Variants in AMPH observed in about 807,000 individuals in gnomAD.
The protein encoded by AMPH is amphiphysin.
A neutral mutation model predicts 99.1 loss-of-function variants in AMPH; 49 were observed. That is an observed-to-expected ratio of 0.49 (90% CI 0.39 to 0.63). The LOEUF is 0.63. Among genes scored for constraint, AMPH ranks in the 20% least tolerant of loss-of-function variants. The pLI, the probability that AMPH is intolerant of heterozygous loss-of-function variation, is 0.00. For synonymous variants in AMPH, 314 were observed against 317.3 expected (o/e 0.99, Z 0.11); for missense variants, 759 against 863.4 (o/e 0.88, Z 1.52).
intron 1 of AMPH, among the ~76,000 whole-genome samples, chr7:38,586,516 C>T (rs1235638807): frequency 6.6e-6 from 1 of 152,122 alleles, no homozygotes; most frequent in Non-Finnish European, 1.5e-5. Context: ...TATGAAAGGG[C>T]CAATTGCTAG....
chr7:38,391,386 C>A (rs1006614740), intron 19 of AMPH, among the ~76,000 whole-genome samples: 14 of 152,190 alleles, frequency 9.2e-5, no homozygotes, highest in Admixed American at 8.5e-4. Context: ...TGCCCGACCC[C>A]CAGGGGATAT....
At chr7:38,533,206 TAGG>T (rs1278970008) in intron 2 of AMPH, among the ~76,000 whole-genome samples, 2 of 152,190 alleles carry the variant, frequency 1.3e-5, no homozygotes, top group East Asian at 3.9e-4. Context: ...TAGAGGAGAC[TAGG>T]AGACTACTTA....
At chr7:38,526,787 C>T (rs1333495253) in intron 2 of AMPH, among the ~76,000 whole-genome samples, 1 of 152,126 alleles carries the variant, frequency 6.6e-6, no homozygotes, top group Non-Finnish European at 1.5e-5. Context: ...CAATTTATCA[C>T]ATTTTCCTCT....
intron 2 of AMPH, among the ~76,000 whole-genome samples, chr7:38,525,489 T>C (rs1304992041): frequency 6.6e-6 from 1 of 150,918 alleles, no homozygotes; most frequent in African/African-American, 2.4e-5. Context: ...TGTTTAGTTT[T>C]ATGCGATTTT....
intron 1 of AMPH, among the ~76,000 whole-genome samples, chr7:38,596,008 T>C (rs1253438143): frequency 6.6e-6 from 1 of 152,202 alleles, no homozygotes; most frequent in Non-Finnish European, 1.5e-5. Flanking sequence ...TTATGAATAG[T>C]GCTGTGATGA....
At chr7:38,546,221 T>G (rs1790993120) in intron 1 of AMPH, among the ~76,000 whole-genome samples, 1 of 152,168 alleles carries the variant, frequency 6.6e-6, no homozygotes, top group African/African-American at 2.4e-5. Context: ...AGCTTCCAGC[T>G]CTGGAAGTAC....
intron 1 of AMPH, among the ~76,000 whole-genome samples, chr7:38,630,607 T>C (rs905209704): frequency 6.6e-6 from 1 of 152,212 alleles, no homozygotes; most frequent in Non-Finnish European, 1.5e-5. Flanking sequence ...TTTGACCTTC[T>C]AAAGAAGGAC....
intron 1 of AMPH, among the ~76,000 whole-genome samples, chr7:38,607,474 T>A (rs1038179231): frequency 6.6e-6 from 1 of 152,226 alleles, no homozygotes; most frequent in African/African-American, 2.4e-5. Context: ...ATACCCTTTA[T>A]GATTTCTCAA....
intron 1 of AMPH, among the ~76,000 whole-genome samples, chr7:38,614,036 G>A (rs139391946): frequency 3.2e-4 from 49 of 152,204 alleles, no homozygotes; most frequent in African/African-American, 1.2e-3. Context: ...CAAAGACCGG[G>A]AAAGGGAAAG....
At chr7:38,416,808 TA>T (rs1299882145) in intron 17 of AMPH, among the ~76,000 whole-genome samples, 1 of 152,310 alleles carries the variant, frequency 6.6e-6, no homozygotes, top group Non-Finnish European at 1.5e-5. Flanking sequence ...GCAATGCCTC[TA>T]GGAGAGATTC....
chr7:38,562,153 A>G (rs1265656398), intron 1 of AMPH, among the ~76,000 whole-genome samples: 1 of 152,158 alleles, frequency 6.6e-6, no homozygotes, highest in Non-Finnish European at 1.5e-5. Flanking sequence ...AAAATGAAAA[A>G]AGTCAGCAAG....
intron 1 of AMPH, among the ~76,000 whole-genome samples, chr7:38,599,566 A>G (rs1793173702): frequency 6.6e-6 from 1 of 152,208 alleles, no homozygotes; most frequent in African/African-American, 2.4e-5. Context: ...GCTATTAGTA[A>G]TTAAGTTTTT....
chr7:38,508,160 A>G (rs1255573640), intron 2 of AMPH, among the ~76,000 whole-genome samples: 1 of 152,220 alleles, frequency 6.6e-6, no homozygotes, highest in East Asian at 1.9e-4. Context: ...CTAAGGAACT[A>G]AACTTAGGGC....
intron 11 of AMPH, among the ~76,000 whole-genome samples, chr7:38,445,958 C>T (rs1028073093): frequency 3.9e-5 from 6 of 152,086 alleles, no homozygotes; most frequent in African/African-American, 1.4e-4. Flanking sequence ...TCTCTTCCTC[C>T]TGCTCCTGCC....
rs58023742 is a variant in AMPH, at chr7:38,447,779, C to CACACACAA, written c.1018-11392_1018-11391insTTGTGTGT. Among the ~76,000 whole-genome samples, 223 of 150,152 alleles carry CACACACAA rather than the reference C, an allele frequency of 1.5e-3. 4 individuals carry two copies. Among genetic ancestry groups the CACACACAA allele is most frequent in the Non-Finnish European group, 1.7e-3 (112 of 67,448 alleles). The stretch of plus-strand genomic sequence containing the variant: ...ACACACACACACACACACACACACA[C>CACACACAA]CCATACACAAAATTTCTTTAATCAT... On this transcript the variant is annotated intron_variant, in intron 11 of 20. Coordinates refer to ENST00000356264, the MANE Select transcript of AMPH (RefSeq NM_001635.4).
At chr7:38,542,130 C>A (rs1278171027) in intron 1 of AMPH, among the ~76,000 whole-genome samples, 1 of 152,152 alleles carries the variant, frequency 6.6e-6, no homozygotes, top group African/African-American at 2.4e-5. Context: ...CCAAGATGGT[C>A]CTCTTCTCCA....
At chr7:38,541,260 T>C (rs527575056) in intron 1 of AMPH, among the ~76,000 whole-genome samples, 324 of 108,656 alleles carry the variant, frequency 3.0e-3, no homozygotes, top group Non-Finnish European at 5.4e-3. Flanking sequence ...CCATAACTTA[T>C]GACTGGAGAG....
At chr7:38,534,622 G>A (rs991661092) in intron 2 of AMPH, among the ~76,000 whole-genome samples, 4 of 152,164 alleles carry the variant, frequency 2.6e-5, no homozygotes, top group African/African-American at 9.7e-5. Flanking sequence ...GCTGAAGTGA[G>A]CCAAAATTGT....
At position 38,414,669 on chromosome 7, in the gene AMPH, A is replaced by AT. The variant is rs142785953; in HGVS notation, c.1398+3155dup. 2.2e-3 allele frequency among the ~76,000 whole-genome samples: 329 copies of AT among 149,940 alleles called. 2 individuals carry two copies. Among genetic ancestry groups the AT allele is most frequent in the African/African-American group, 6.5e-3 (265 of 40,972 alleles). On this transcript the variant is annotated intron_variant, in intron 17 of 20. Coordinates refer to ENST00000356264, the MANE Select transcript of AMPH (RefSeq NM_001635.4). ...GAAACGAATATTGAAATCATATTGA[A>AT]TTTTTTTTTTTTTGAGACAGAGTCT...
Sources: gnomAD v4.1 joint callset for allele counts (sites outside exome capture counted in the v4.1 genomes callset) on GRCh38, gnomAD v4.1.1 for gene constraint, MANE v1.5 for transcripts, NCBI Gene and HGNC (gene_info 2026-07-23, HGNC 2026-07-21) for gene names.